The following FYN variants were observed in gnomAD, a reference collection of about 807,000 sequenced individuals.
FYN encodes the protein FYN proto-oncogene, Src family tyrosine kinase.
A neutral mutation model predicts 70.2 loss-of-function variants in FYN; 10 were observed. The observed-to-expected ratio is 0.14, with a 90% CI of 0.09 to 0.24. FYN has a LOEUF of 0.24. Ranked by LOEUF, FYN falls within the 10% of genes least tolerant of loss-of-function variation. FYN has a pLI of 1.00. For synonymous variants in FYN, 236 were observed against 248.6 expected, an observed-to-expected ratio of 0.95 and a Z score of 0.48; for missense variants, 319 against 673.1, an observed-to-expected ratio of 0.47 and a Z score of 5.82.
intron 13 of FYN, among the ~76,000 whole-genome samples, chr6:111,664,700 C>T (rs562097343): frequency 2.0e-5 from 3 of 152,058 alleles, no homozygotes; most frequent in East Asian, 1.9e-4. Flanking sequence ...GGCTCCTTCT[C>T]GCTCTCCCCT....
chr6:111,782,854 A>G (rs1475041426), intron 2 of FYN, among the ~76,000 whole-genome samples: 1 of 152,170 alleles, frequency 6.6e-6, no homozygotes, highest in Non-Finnish European at 1.5e-5. Context: ...CCAGCTTCCC[A>G]TCAGTCTCAC....
At chr6:111,683,497 T>G (rs1206896321) in intron 12 of FYN, among the ~76,000 whole-genome samples, 4 of 152,042 alleles carry the variant, frequency 2.6e-5, no homozygotes, top group African/African-American at 9.7e-5. Flanking sequence ...GAAGGTGAAG[T>G]CAGTATTGAA....
At chr6:111,666,453 C>T (rs377696942) in intron 13 of FYN, among the ~76,000 whole-genome samples, 153 of 152,262 alleles carry the variant, frequency 1.0e-3, no homozygotes, top group African/African-American at 2.4e-3. Context: ...TGCTGTTCTG[C>T]CCTTCTAGCC....
chr6:111,806,442 T>C (rs1413994329), intron 2 of FYN, among the ~76,000 whole-genome samples: 5 of 152,176 alleles, frequency 3.3e-5, no homozygotes, highest in African/African-American at 1.2e-4. Flanking sequence ...CCCTAGGTTA[T>C]TCGGTCCAAG....
intron 3 of FYN, among the ~76,000 whole-genome samples, chr6:111,761,464 A>C (rs991121542): frequency 1.3e-5 from 2 of 152,232 alleles, no homozygotes; most frequent in Non-Finnish European, 2.9e-5. Context: ...AAAGGAGAAC[A>C]GTTAATGAAT....
At chr6:111,758,488 C>T (rs1366649309) in intron 3 of FYN, among the ~76,000 whole-genome samples, 3 of 152,130 alleles carry the variant, frequency 2.0e-5, no homozygotes, top group Admixed American at 6.5e-5. Context: ...AATGAAAATG[C>T]CTAGAATTCA....
intron 3 of FYN, among the ~76,000 whole-genome samples, chr6:111,764,729 C>A (rs1226217652): frequency 6.6e-6 from 1 of 152,048 alleles, no homozygotes; most frequent in Non-Finnish European, 1.5e-5. Flanking sequence ...CTAAGGGGTT[C>A]CTTTAGTGCT....
intron 13 of FYN, among the ~76,000 whole-genome samples, chr6:111,662,941 G>C (rs1189737876): frequency 6.6e-6 from 1 of 152,198 alleles, no homozygotes; most frequent in Admixed American, 6.5e-5. Flanking sequence ...ACACTGGGCT[G>C]CATAGCACTA....
At chr6:111,773,324 GAGGGAGAGGGAA>G (rs1803525763) in intron 3 of FYN, among the ~76,000 whole-genome samples, 1 of 83,070 alleles carries the variant, frequency 1.2e-5, no homozygotes, top group Non-Finnish European at 2.3e-5. Context: ...AGGGGAGGGG[GAGGGAGAGGGAA>G]AGGGAGAGGG....
chr6:111,681,033 T>A (rs1798757575), intron 12 of FYN, among the ~76,000 whole-genome samples: 1 of 45,730 alleles, frequency 2.2e-5, no homozygotes, highest in Non-Finnish European at 5.3e-5. Flanking sequence ...TTTAATTTAA[T>A]TTTTTTTTTT....
chr6:111,710,845 T>C (rs1391102584), intron 5 of FYN, among the ~76,000 whole-genome samples: 3 of 152,232 alleles, frequency 2.0e-5, no homozygotes, highest in Admixed American at 6.5e-5. Context: ...TGTGGGTAAT[T>C]AGCATTGTTA....
At chr6:111,837,596 G>C (rs1433000528) in intron 2 of FYN, among the ~76,000 whole-genome samples, 1 of 152,212 alleles carries the variant, frequency 6.6e-6, no homozygotes, top group East Asian at 1.9e-4. Flanking sequence ...ACAACAAGTA[G>C]AAGTTGGTAA....
At position 111,692,521 on chromosome 6, in the gene FYN, A is replaced by C. The variant is rs1454123566; in HGVS notation, c.1273+1854T>G. Among the ~76,000 whole-genome samples, 4 of 151,900 alleles carry C rather than the reference A, an allele frequency of 2.6e-5. No individual in the cohort carries two copies. In the East Asian group the frequency reaches 7.8e-4, roughly 29 times the overall value. ...CTCCAGTGAATAAGGCGTGGACTAA[A>C]CCCCCAGGCCCTATTAACAGCACCC... is the stretch of plus-strand genomic sequence containing the variant. On this transcript the variant is annotated intron_variant, in intron 12 of 13. Transcript: ENST00000354650.
chr6:111,719,383 C>T (rs989912117), intron 4 of FYN, among the ~76,000 whole-genome samples: 3 of 151,818 alleles, frequency 2.0e-5, no homozygotes, highest in Non-Finnish European at 4.4e-5. Flanking sequence ...ACATTAATAT[C>T]TAGAGAACTC....
intron 8 of FYN, among the ~76,000 whole-genome samples, chr6:111,701,499 T>G (rs1394919612): frequency 1.3e-5 from 2 of 152,158 alleles, no homozygotes; most frequent in African/African-American, 2.4e-5. Flanking sequence ...TTTTATTGTG[T>G]GAGAGAGAAA....
At chr6:111,750,712 A>G (rs1802446262) in intron 3 of FYN, among the ~76,000 whole-genome samples, 1 of 136,890 alleles carries the variant, frequency 7.3e-6, no homozygotes. Context: ...AGTACAATTC[A>G]TGTCATTTTT....
At chr6:111,812,604 CTTTTTTTTTTTTTTTTTT>C (rs369326017) in intron 2 of FYN, among the ~76,000 whole-genome samples, 7,941 of 101,394 alleles carry the variant, frequency 0.078, 603 homozygotes, top group African/African-American at 0.21. Flanking sequence ...AGAAATTTTC[CTTTTTTTTTTTTTTTTTT>C]TTTTTTTTTA....
chr6:111,777,241 G>A (rs536785890), intron 3 of FYN, among the ~76,000 whole-genome samples: 5 of 152,112 alleles, frequency 3.3e-5, no homozygotes, highest in African/African-American at 1.2e-4. Flanking sequence ...TTTTCGCTTG[G>A]AGTTAGGGGT....
intron 2 of FYN, among the ~76,000 whole-genome samples, chr6:111,786,623 C>T (rs1771397970): frequency 6.6e-6 from 1 of 152,204 alleles, no homozygotes; most frequent in South Asian, 2.1e-4. Context: ...AGTTCTAGAT[C>T]CTTGAGGAAT....
Sources: allele counts gnomAD v4.1 joint callset (sites outside exome capture counted in the v4.1 genomes callset), GRCh38; gene constraint gnomAD v4.1.1; transcripts MANE v1.5; gene names NCBI Gene and HGNC (gene_info 2026-07-23, HGNC 2026-07-21).